Variants in NF1 observed in about 807,000 individuals in gnomAD.
NF1 encodes neurofibromin 1.
Under a neutral mutation model 325.7 loss-of-function variants are expected in NF1, and 122 were observed. The ratio of observed to expected loss-of-function variants is 0.37; its 90% CI spans 0.32 to 0.44. The LOEUF (loss-of-function observed/expected upper bound fraction) is 0.44. Among genes scored for constraint, NF1 ranks in the 20% least tolerant of loss-of-function variants. The pLI, the probability that NF1 is intolerant of heterozygous loss-of-function variation, is 1.00. For synonymous variants in NF1, 1,091 were observed against 1,186.0 expected (o/e 0.92, Z 1.65); for missense variants, 2,140 against 3,415.4 (o/e 0.63, Z 9.31).
chr17:31,227,075 G>A lies in NF1; in HGVS notation c.2252-143G>A, dbSNP rs2067027504. 3 of 811,770 alleles carry A rather than the reference G, an allele frequency of 3.7e-6. No homozygotes were observed. The Admixed American group carries it at 5.7e-5, about 15-fold the overall frequency. The allele number at this position is 811,770 out of a possible 1,614,324, so 50.3% of individuals were successfully genotyped here. ...CCAAGATAAGTACCTTTCCTGTGAGGTTAGTGAAAGGAAGTTTTTGGCTTT... is the reference window on the plus strand; with the variant it reads ...CCAAGATAAGTACCTTTCCTGTGAGATTAGTGAAAGGAAGTTTTTGGCTTT... On this transcript the variant is annotated intron_variant, in intron 18 of 57. Coordinates refer to ENST00000358273, the MANE Select transcript of NF1 (RefSeq NM_001042492.3).
In NF1 at chr17:31,336,261, A is replaced by G. The variant is rs2069666021; in HGVS notation, c.6007-72A>G. ...ATTTTCATATTGATTAGGCTGTTCC[A>G]ATGAATATTTTTTAATTAAAAATTA... On this transcript the variant is annotated intron_variant, in intron 40 of 57. Transcript: ENST00000358273. The surrounding 1 kb of genome is among the most constrained non-coding windows in gnomAD (Gnocchi z 5.5). 3.3e-6 allele frequency: 5 copies of G among 1,520,410 alleles called. No homozygotes were observed. The highest frequency in any genetic ancestry group is 3.6e-6 in the Non-Finnish European group (4 of 1,110,412). The allele number at this position is 1,520,410 out of a possible 1,614,324, so 94.2% of individuals were successfully genotyped here.
In NF1 at chr17:31,376,226, G is replaced by A. The variant is rs886052811; in HGVS notation, c.*2071G>A. 9 of 232,716 alleles carry A rather than the reference G, an allele frequency of 3.9e-5. No homozygotes were observed. Among genetic ancestry groups the A allele is most frequent in the African/African-American group, 1.1e-4 (5 of 45,290 alleles). The allele number at this position is 232,716 out of a possible 1,614,324, so 14.4% of individuals were successfully genotyped here. A position where few individuals can be genotyped will look rare whatever the true frequency, so the allele number is the denominator to read the frequency against. On this transcript the variant is annotated 3_prime_UTR_variant, in exon 58 of 58. Coordinates refer to ENST00000358273, the MANE Select transcript of NF1 (RefSeq NM_001042492.3). ...TGTAAGCCTTTGATAACTTTAGTTC[G>A]ATGTTTTTCTTGTTTTTGTTTGTTG...
Position 31,227,223 on chromosome 17 carries a change from G to A in NF1, c.2257G>A (p.Ala753Thr), listed in dbSNP as rs758325102. The A allele has an allele frequency of 9.3e-6, 15 of 1,613,638 alleles. No individual in the cohort carries two copies. The highest frequency in any genetic ancestry group is 1.3e-5 in the African/African-American group (1 of 75,002). Residue 753 changes from alanine (A) to threonine (T), a missense_variant, in exon 19 of 58, where the codon GCA becomes ACA. Physicochemically the swap from Ala to Thr is moderately conservative, Grantham distance 58. This residue lies in a region of NF1 where 380 missense variants were observed against 639.3 expected (regional missense o/e 0.59). Coordinates refer to ENST00000358273, the MANE Select transcript of NF1 (RefSeq NM_001042492.3). ...TTGCTGTTGTATTTGCTTAGGAAGA[G>A]CAGCACTTCAGAAAAGAGTGATGGC... ...SVSNMMSTGR[A>T]ALQKRVMALL...
intron 13 of NF1, 56 bp downstream of exon 13, chr17:31,214,641 A>G: frequency 2.6e-6 from 4 of 1,560,840 alleles, no homozygotes; most frequent in South Asian, 1.1e-5. Flanking sequence ...AATTGGGTTT[A>G]GCTGAAACGC....
intron 45 of NF1, 72 bp from the exon 46 acceptor site, chr17:31,338,632 T>C: frequency 1.1e-6 from 1 of 947,998 alleles, no homozygotes. Flanking sequence ...CTGAATTCAT[T>C]CCGAGATTCA....
chr17:31,217,286 C>T (rs1286269871), intron 13 of NF1, among the ~76,000 whole-genome samples: 1 of 148,988 alleles, frequency 6.7e-6, no homozygotes, highest in Non-Finnish European at 1.5e-5. Context: ...AAATATGGGA[C>T]ACAAGTTGCA....
At chr17:31,260,640 G>C in intron 34 of NF1, 125 bp downstream of exon 34, 1 of 1,205,288 alleles carries the variant, frequency 8.3e-7, no homozygotes, top group Non-Finnish European at 1.2e-6. Context: ...GGTTTAGAAA[G>C]AGAAAGATTC....
intron 1 of NF1, among the ~76,000 whole-genome samples, chr17:31,108,551 C>T (rs545257880): frequency 1.3e-5 from 2 of 152,272 alleles, no homozygotes; most frequent in South Asian, 4.1e-4. Flanking sequence ...GCTGGGATTA[C>T]AGGCGTGAGC....
intron 14 of NF1, among the ~76,000 whole-genome samples, chr17:31,221,039 T>G (rs1460021392): frequency 6.6e-6 from 1 of 152,094 alleles, no homozygotes; most frequent in South Asian, 2.1e-4. Flanking sequence ...AATGTTGATA[T>G]GTTGACCAAG....
At chr17:31,312,957 A>G (rs1298805478) in intron 36 of NF1, among the ~76,000 whole-genome samples, 1 of 152,290 alleles carries the variant, frequency 6.6e-6, no homozygotes, top group Non-Finnish European at 1.5e-5. Context: ...ATCTTATACT[A>G]TGTTCTAAAG....
intron 8 of NF1, among the ~76,000 whole-genome samples, chr17:31,198,012 G>T (rs564182158): frequency 6.6e-6 from 1 of 152,062 alleles, no homozygotes; most frequent in Admixed American, 6.6e-5. Context: ...ATCATAACAG[G>T]TGTTGAACTT....
At chr17:31,349,275 T>A (rs758529659) in intron 49 of NF1, 24 bp downstream of exon 49, 2 of 1,607,080 alleles carry the variant, frequency 1.2e-6, no homozygotes, top group South Asian at 2.2e-5. Context: ...ATAAACAAAA[T>A]TAATCTTGCT....
intron 1 of NF1, among the ~76,000 whole-genome samples, chr17:31,108,834 G>A (rs1336343811): frequency 6.6e-6 from 1 of 152,184 alleles, no homozygotes; most frequent in East Asian, 1.9e-4. Flanking sequence ...GGCAAGCCAA[G>A]CTGTATGAGC....
At chr17:31,195,717 A>G (rs2066423926) in intron 8 of NF1, among the ~76,000 whole-genome samples, 1 of 147,764 alleles carries the variant, frequency 6.8e-6, no homozygotes, top group Non-Finnish European at 1.5e-5. Flanking sequence ...TTTTTTTTTT[A>G]TGGCTGAAAT....
At chr17:31,204,248 A>C (rs1414046238) in intron 11 of NF1, among the ~76,000 whole-genome samples, 1 of 152,124 alleles carries the variant, frequency 6.6e-6, no homozygotes, top group African/African-American at 2.4e-5. Flanking sequence ...AATTTATCGT[A>C]ATTTACATAT....
At chr17:31,165,566 T>A (rs2065831751) in intron 4 of NF1, among the ~76,000 whole-genome samples, 1 of 152,236 alleles carries the variant, frequency 6.6e-6, no homozygotes, top group Non-Finnish European at 1.5e-5. Context: ...AATAGATGAA[T>A]CAGTATCATG....
intron 36 of NF1, among the ~76,000 whole-genome samples, chr17:31,325,254 T>C (rs924782228): frequency 6.6e-6 from 1 of 152,188 alleles, no homozygotes; most frequent in African/African-American, 2.4e-5. Context: ...GGGAGGCTCT[T>C]CTTTTATATC....
intron 1 of NF1, among the ~76,000 whole-genome samples, chr17:31,103,720 A>G (rs1225363194): frequency 2.6e-5 from 4 of 152,106 alleles, no homozygotes; most frequent in African/African-American, 9.7e-5. Context: ...CTATAATTCA[A>G]GCTTTTTGGG....
chr17:31,249,889 T>G lies in NF1; in HGVS notation c.4110+770T>G, dbSNP rs1404037965. 12 of 470,722 alleles carry G rather than the reference T, an allele frequency of 2.5e-5. No homozygotes were observed. The Admixed American group carries it at 2.9e-4, about 11-fold the overall frequency. 29.2% of individuals were successfully genotyped at this position (470,722 alleles called of 1,614,324 possible). On this transcript the variant is annotated intron_variant, in intron 30 of 57. Coordinates refer to ENST00000358273, the MANE Select transcript of NF1 (RefSeq NM_001042492.3). ...ACATTAGTGGGTCTGGAATTTGGGA[T>G]AGGGGTGGATATAAGGGAAATACAC...
Sources: allele counts gnomAD v4.1 joint callset (sites outside exome capture counted in the v4.1 genomes callset), GRCh38; gene constraint gnomAD v4.1.1; regional missense constraint gnomAD v4.1.1; non-coding constraint Gnocchi (gnomAD v3.1); transcripts MANE v1.5; gene names NCBI Gene and HGNC (gene_info 2026-07-23, HGNC 2026-07-21).